The following SETBP1 variants were observed in gnomAD, a reference collection of about 807,000 sequenced individuals.
The protein encoded by SETBP1 is SET binding protein 1, also known as SET-binding protein.
A neutral mutation model predicts 101.0 loss-of-function variants in SETBP1; 9 were observed. The ratio of observed to expected loss-of-function variants is 0.09; its 90% CI spans 0.05 to 0.16. The LOEUF is 0.16. Ranked by LOEUF, SETBP1 falls within the 10% of genes least tolerant of loss-of-function variation. SETBP1 has a pLI of 1.00. For missense variants in SETBP1, 1,858 were observed against 2,033.8 expected (o/e 0.91, Z 1.66); for synonymous variants, 818 against 788.5 (o/e 1.04, Z -0.63).
chr18:45,044,431 C>T (rs561949227), intron 5 of SETBP1, among the ~76,000 whole-genome samples: 52 of 152,316 alleles, frequency 3.4e-4, no homozygotes, highest in African/African-American at 9.6e-4. Flanking sequence ...CACTCCCTCC[C>T]GCAGCTCTGG....
intron 4 of SETBP1, among the ~76,000 whole-genome samples, chr18:44,989,686 G>A (rs149791703): frequency 0.047 from 7,137 of 150,938 alleles, 585 homozygotes; most frequent in African/African-American, 0.16. Context: ...CGGCTAAAAC[G>A]GTGAAACCCC....
chr18:45,038,428 T>C, intron 4 of SETBP1, 57 bp from the exon 5 acceptor site: 1 of 1,498,070 alleles, frequency 6.7e-7, no homozygotes, highest in African/African-American at 1.4e-5. Flanking sequence ...GGTTACATGT[T>C]GTCTATCTTC....
At chr18:44,837,974 A>G (rs1057061907) in intron 2 of SETBP1, among the ~76,000 whole-genome samples, 2 of 152,164 alleles carry the variant, frequency 1.3e-5, no homozygotes, top group Non-Finnish European at 2.9e-5. Context: ...TGGGTGGGCC[A>G]TGTTTCCACA....
intron 2 of SETBP1, among the ~76,000 whole-genome samples, chr18:44,741,838 A>G (rs1001029065): frequency 6.6e-6 from 1 of 151,918 alleles, no homozygotes; most frequent in African/African-American, 2.4e-5. Context: ...CAGCCAGTGC[A>G]CTCCCTCACT....
At chr18:45,033,379 G>A (rs1027723382) in intron 4 of SETBP1, among the ~76,000 whole-genome samples, 19 of 152,180 alleles carry the variant, frequency 1.2e-4, no homozygotes, top group African/African-American at 1.7e-4. Flanking sequence ...TTCCTTGTTC[G>A]TAAATTAGGA....
chr18:45,020,651 C>T (rs2073041295), intron 4 of SETBP1, among the ~76,000 whole-genome samples: 1 of 152,152 alleles, frequency 6.6e-6, no homozygotes, highest in South Asian at 2.1e-4. Context: ...AAAGCAGTAA[C>T]ATGCTCAAAC....
At chr18:44,741,915 G>C (rs764199035) in intron 2 of SETBP1, among the ~76,000 whole-genome samples, 10 of 152,082 alleles carry the variant, frequency 6.6e-5, no homozygotes, top group Non-Finnish European at 1.2e-4. Flanking sequence ...CTCCTATTCT[G>C]TCTGCTGCTA....
Position 44,917,968 on chromosome 18 carries a change from G to A in SETBP1, c.541-31913G>A, listed in dbSNP as rs145354747. Among the ~76,000 whole-genome samples the A allele has an allele frequency of 4.1e-3, 617 of 152,226 alleles. 8 individuals carry two copies. Among genetic ancestry groups the A allele is most frequent in the African/African-American group, 0.014 (594 of 41,550 alleles). On this transcript the variant is annotated intron_variant, in intron 3 of 5. Coordinates refer to ENST00000649279, the MANE Select transcript of SETBP1 (RefSeq NM_015559.3). ...GTGTCTCACCTAGAAAAGCCTCCTAGTGCTCATGTGCCCTTAAATGGACTT... is the reference window on the plus strand; with the variant it reads ...GTGTCTCACCTAGAAAAGCCTCCTAATGCTCATGTGCCCTTAAATGGACTT...
chr18:44,764,083 C>G (rs1022711850), intron 2 of SETBP1, among the ~76,000 whole-genome samples: 1 of 152,246 alleles, frequency 6.6e-6, no homozygotes, highest in Non-Finnish European at 1.5e-5. Flanking sequence ...TTAGGATGCT[C>G]CTGTGCTCCA....
intron 2 of SETBP1, among the ~76,000 whole-genome samples, chr18:44,775,712 T>C (rs1032001266): frequency 6.6e-6 from 1 of 152,100 alleles, no homozygotes; most frequent in Non-Finnish European, 1.5e-5. Flanking sequence ...GCACCATTTT[T>C]TTTTTTTTTT....
At chr18:45,027,998 T>TTTTTA (rs559651691) in intron 4 of SETBP1, among the ~76,000 whole-genome samples, 19 of 152,142 alleles carry the variant, frequency 1.2e-4, no homozygotes, top group South Asian at 2.1e-4. Context: ...TTCTTTTTTC[T>TTTTTA]TTTTATTTTA....
At position 44,949,962 on chromosome 18, in the gene SETBP1, C is replaced by G; in HGVS notation, c.622C>G (p.Pro208Ala). ...PQDFTGDTLK[P>A]KHQQKSSSQN... ...GGACTTCACCGGTGACACCTTAAAA[C>G]CAAAGCACCAGCAAAAAAGCAGCAG... is the stretch of plus-strand genomic sequence containing the variant. The change falls in exon 4 of 6, where the codon CCA becomes GCA. Residue 208 changes from proline (P) to alanine (A), a missense_variant. By Grantham distance (27) the Pro-to-Ala change is conservative. Around this residue, in one of 12 missense-constraint regions of SETBP1, gnomAD observed 581 missense variants for 535.1 expected, o/e 1.09. Coordinates refer to ENST00000649279, the MANE Select transcript of SETBP1 (RefSeq NM_015559.3). The G allele has an allele frequency of 3.1e-6, 5 of 1,614,146 alleles. No individual in the cohort carries two copies. Among genetic ancestry groups the G allele is most frequent in the Non-Finnish European group, 4.2e-6 (5 of 1,180,028 alleles).
At chr18:44,919,761 T>C (rs574354181) in intron 3 of SETBP1, among the ~76,000 whole-genome samples, 6 of 151,692 alleles carry the variant, frequency 4.0e-5, no homozygotes, top group South Asian at 2.1e-4. Flanking sequence ...CATATGTGTA[T>C]TGTATGTACA....
chr18:44,758,001 A>G (rs989237126), intron 2 of SETBP1, among the ~76,000 whole-genome samples: 1 of 152,170 alleles, frequency 6.6e-6, no homozygotes, highest in Non-Finnish European at 1.5e-5. Context: ...TGAGTCTCTT[A>G]TACATTGTCT....
chr18:44,872,548 C>A (rs1244469128), intron 3 of SETBP1, among the ~76,000 whole-genome samples: 2 of 152,214 alleles, frequency 1.3e-5, no homozygotes, highest in Admixed American at 6.5e-5. Flanking sequence ...GCTGGACAAC[C>A]CATTCCTTTT....
chr18:45,053,210 C>T (rs1161601647), intron 5 of SETBP1, among the ~76,000 whole-genome samples: 2 of 151,984 alleles, frequency 1.3e-5, no homozygotes, highest in East Asian at 3.9e-4. Context: ...ATAATCAAAC[C>T]AATTTTTCTG....
chr18:44,953,882 A>G (rs1460809321), intron 4 of SETBP1, among the ~76,000 whole-genome samples: 1 of 152,144 alleles, frequency 6.6e-6, no homozygotes, highest in Admixed American at 6.5e-5. Context: ...CTTGGGCCAT[A>G]TTGTTTCCAT....
intron 2 of SETBP1, among the ~76,000 whole-genome samples, chr18:44,828,029 CA>C (rs2072272951): frequency 6.6e-6 from 1 of 152,210 alleles, no homozygotes; most frequent in South Asian, 2.1e-4. Context: ...ACTAGCTTTT[CA>C]AAACACAAAC....
intron 4 of SETBP1, among the ~76,000 whole-genome samples, chr18:44,963,498 A>G (rs75072842): frequency 0.056 from 8,464 of 152,236 alleles, 810 homozygotes; most frequent in African/African-American, 0.19. Context: ...AAATTACAAA[A>G]CACTAAAACT....
Sources: gnomAD v4.1 joint callset for allele counts (sites outside exome capture counted in the v4.1 genomes callset) on GRCh38, gnomAD v4.1.1 for gene constraint, gnomAD v4.1.1 regional missense constraint, MANE v1.5 for transcripts, NCBI Gene and HGNC (gene_info 2026-07-23, HGNC 2026-07-21) for gene names.